The following CPSF2 variants were observed in gnomAD, a reference collection of about 807,000 sequenced individuals.
CPSF2 encodes the protein cleavage and polyadenylation specific factor 2.
In CPSF2, 51 loss-of-function variants were observed where a neutral mutation model predicts 84.2. The observed-to-expected ratio is 0.61, with a 90% CI of 0.48 to 0.77. The LOEUF (loss-of-function observed/expected upper bound fraction) is 0.77. CPSF2 is among the 30% of genes least tolerant of loss of function. The probability of loss-of-function intolerance (pLI) is 0.00; values close to 1 mark genes in which losing one functional copy is unlikely to be tolerated. For synonymous variants in CPSF2, 286 were observed against 311.9 expected, an observed-to-expected ratio of 0.92 and a Z score of 0.87; for missense variants, 641 against 929.4, an observed-to-expected ratio of 0.69 and a Z score of 4.03.
intron 1 of CPSF2, among the ~76,000 whole-genome samples, chr14:92,123,630 C>G (rs2068808239): frequency 6.6e-6 from 1 of 152,152 alleles, no homozygotes; most frequent in Admixed American, 6.5e-5. Context: ...AACTCCTGAG[C>G]TCAAGTGATC....
rs146625242 is a variant in CPSF2, at chr14:92,157,777, C to G, written c.1714C>G (p.Gln572Glu). The G allele has an allele frequency of 8.7e-6, 14 of 1,613,766 alleles. No homozygotes were observed. In the African/African-American group the frequency reaches 1.7e-4, roughly 20 times the overall value. The change falls in exon 13 of 16, where the codon CAA becomes GAA. Residue 572 changes from glutamine (Q) to glutamate (E), a missense_variant. By Grantham distance (29) the Gln-to-Glu change is conservative. Coordinates refer to ENST00000298875, the MANE Select transcript of CPSF2 (RefSeq NM_017437.3). The surrounding 1 kb of genome is among the most constrained non-coding windows in gnomAD (Gnocchi z 4.0). The stretch of plus-strand genomic sequence containing the variant: ...CGTCCATGGCCCACCAGAGGCCAGT[C>G]AAGATCTGGCAGAGTGCTGTCGCGC... ...IIVHGPPEAS[Q>E]DLAECCRAFG...
At chr14:92,145,392 T>C (rs1174714437) in intron 9 of CPSF2, among the ~76,000 whole-genome samples, 1 of 152,146 alleles carries the variant, frequency 6.6e-6, no homozygotes, top group Non-Finnish European at 1.5e-5. Context: ...GGATTATACA[T>C]GAACCACTGC....
chr14:92,144,083 C>G (rs1234834495), intron 9 of CPSF2, among the ~76,000 whole-genome samples: 1 of 152,166 alleles, frequency 6.6e-6, no homozygotes, highest in Non-Finnish European at 1.5e-5. Flanking sequence ...AGCTACTTAT[C>G]TTCCATTTGC....
intron 5 of CPSF2, 95 bp from the exon 6 acceptor site, chr14:92,135,272 A>G: frequency 9.1e-7 from 1 of 1,094,862 alleles, no homozygotes; most frequent in Admixed American, 2.7e-5. Flanking sequence ...TATTGCATAT[A>G]CAGTATTACC....
intron 6 of CPSF2, among the ~76,000 whole-genome samples, chr14:92,137,345 G>C (rs752817778): frequency 6.6e-6 from 1 of 152,044 alleles, no homozygotes; most frequent in Non-Finnish European, 1.5e-5. Context: ...AAGTAGCTAG[G>C]ACTACAGGTG....
At chr14:92,127,694 G>A (rs1312537357) in intron 2 of CPSF2, among the ~76,000 whole-genome samples, 1 of 152,120 alleles carries the variant, frequency 6.6e-6, no homozygotes, top group Non-Finnish European at 1.5e-5. Flanking sequence ...GTTGATGCAG[G>A]GGAAAGAGCG....
At chr14:92,150,853 A>C (rs567881026) in intron 9 of CPSF2, among the ~76,000 whole-genome samples, 1 of 152,314 alleles carries the variant, frequency 6.6e-6, no homozygotes, top group Admixed American at 6.5e-5. Context: ...TTGTTGGCTT[A>C]AATCTGATAA....
chr14:92,157,568 A>C lies in CPSF2; in HGVS notation c.1596-91A>C. 1.3e-6 allele frequency: 1 copy of C among 755,796 alleles called. No homozygotes were observed. Among genetic ancestry groups the C allele is most frequent in the South Asian group, 1.8e-5 (1 of 55,272 alleles). The allele number at this position is 755,796 out of a possible 1,614,324, so 46.8% of individuals were successfully genotyped here. On this transcript the variant is annotated intron_variant, in intron 12 of 15. Coordinates refer to ENST00000298875, the MANE Select transcript of CPSF2 (RefSeq NM_017437.3). This position sits in a 1 kb window ranked among gnomAD's most constrained non-coding sequence, Gnocchi z 4.0. ...ATACTATAACATGTGTATTTCTCAA[A>C]TCCTAGTGTTATATATTGTATACAT...
chr14:92,159,234 T>G lies in CPSF2; in HGVS notation c.2073T>G (p.Gly691=), dbSNP rs1481884673. ...TCGGAGATGATGAAAAAGAAACAGG[T>G]GAAGAAAGTGAGATCATTCCTACTT... ...SLFGDDEKET[G]EESEIIPTLE... is the part of the protein sequence containing the mutation. Residue 691 remains glycine (G), a synonymous_variant, in exon 14 of 16, where the codon GGT becomes GGG. Coordinates refer to ENST00000298875, the MANE Select transcript of CPSF2 (RefSeq NM_017437.3). 1.2e-6 allele frequency: 2 copies of G among 1,612,188 alleles called. No individual in the cohort carries two copies. The highest frequency in any genetic ancestry group is 2.7e-5 in the African/African-American group (2 of 74,734).
chr14:92,135,327 T>C, intron 5 of CPSF2, 40 bp from the exon 6 acceptor site: 1 of 1,549,098 alleles, frequency 6.5e-7, no homozygotes, highest in Non-Finnish European at 8.7e-7. Context: ...TTCTTTAGGG[T>C]TGTAAAAGAA....
At chr14:92,141,684 G>A (rs998430534) in intron 7 of CPSF2, among the ~76,000 whole-genome samples, 7 of 152,030 alleles carry the variant, frequency 4.6e-5, no homozygotes, top group African/African-American at 9.7e-5. Flanking sequence ...TGGGAGTCCC[G>A]GGGCCAGTAC....
rs1567026145 is a variant in CPSF2, at chr14:92,157,741, C to T, written c.1678C>T (p.Gln560Ter). The change falls in exon 13 of 16, where the codon CAG becomes TAG. Residue 560 changes from glutamine (Q) to a stop codon, truncating the protein, a stop_gained. Transcript: ENST00000298875. LOFTEE classifies it high-confidence loss of function. The surrounding 1 kb of genome is among the most constrained non-coding windows in gnomAD (Gnocchi z 4.0). ...AATCATTAATCAGATGAAACCACGA[C>T]AGTTGATCATCGTCCATGGCCCACC... Reference protein sequence around the residue: ...KKIINQMKPRQLIIVHGPPEA... With the variant: ...KKIINQMKPR The T allele has an allele frequency of 1.2e-6, 2 of 1,614,080 alleles. No homozygotes were observed. The highest frequency in any genetic ancestry group is 1.7e-6 in the Non-Finnish European group (2 of 1,179,972).
At chr14:92,128,062 C>T (rs934399065) in intron 2 of CPSF2, among the ~76,000 whole-genome samples, 2 of 152,070 alleles carry the variant, frequency 1.3e-5, no homozygotes, top group Non-Finnish European at 2.9e-5. Flanking sequence ...GGCCTTTGGC[C>T]ATGAATTTAA....
At chr14:92,131,558 G>T (rs561530594) in intron 3 of CPSF2, among the ~76,000 whole-genome samples, 129 of 152,254 alleles carry the variant, frequency 8.5e-4, no homozygotes, top group Non-Finnish European at 1.5e-3. Flanking sequence ...TCAATTATGG[G>T]CTGGGCACAG....
At chr14:92,150,786 T>A (rs534153468) in intron 9 of CPSF2, among the ~76,000 whole-genome samples, 5 of 152,312 alleles carry the variant, frequency 3.3e-5, no homozygotes, top group African/African-American at 1.2e-4. Context: ...TTGGCAGACA[T>A]TTTCTTGAAA....
chr14:92,128,603 G>A (rs1208751362), intron 2 of CPSF2, among the ~76,000 whole-genome samples: 1 of 152,232 alleles, frequency 6.6e-6, no homozygotes, highest in African/African-American at 2.4e-5. Flanking sequence ...GTACCTAGAG[G>A]AGCAAGACAT....
rs1192347503 is a variant in CPSF2 at position 92,171,546 on chromosome 14, AC to A, written c.*9806del. 1 of 151,488 alleles carries A rather than the reference AC, an allele frequency of 6.6e-6. No individual in the cohort carries two copies. Among genetic ancestry groups the A allele is most frequent in the East Asian group, 1.9e-4 (1 of 5,148 alleles). 9.4% of individuals were successfully genotyped at this position (151,488 alleles called of 1,614,324 possible). A position where few individuals can be genotyped will look rare whatever the true frequency, so the allele number is the denominator to read the frequency against. On this transcript the variant is annotated 3_prime_UTR_variant, in exon 16 of 16. Transcript: ENST00000298875. ...TCCAGGCTCGTCTTCTATTTTCCCT[AC>A]CCCGCTCCTGACATCAGCCATTTCT...
chr14:92,148,874 A>G (rs568914804), intron 9 of CPSF2, among the ~76,000 whole-genome samples: 1 of 152,086 alleles, frequency 6.6e-6, no homozygotes, highest in South Asian at 2.1e-4. Flanking sequence ...TTGTATTTTC[A>G]CTTGAGTCCT....
chr14:92,151,500 C>T (rs1567023948), intron 9 of CPSF2, among the ~76,000 whole-genome samples: 1 of 151,414 alleles, frequency 6.6e-6, no homozygotes, highest in South Asian at 2.1e-4. Flanking sequence ...TCAGGTTCTG[C>T]GTTAAAACTA....
Sources: gnomAD v4.1 joint callset for allele counts (sites outside exome capture counted in the v4.1 genomes callset) on GRCh38, gnomAD v4.1.1 for gene constraint, Gnocchi (gnomAD v3.1) non-coding constraint, MANE v1.5 for transcripts, NCBI Gene and HGNC (gene_info 2026-07-23, HGNC 2026-07-21) for gene names.